PLXNA2: variants seen among roughly 807,000 people sequenced by gnomAD.
PLXNA2 encodes plexin-A2.
A neutral mutation model predicts 193.5 loss-of-function variants in PLXNA2; 91 were observed. The observed-to-expected ratio is 0.47, with a 90% CI of 0.40 to 0.56. PLXNA2 has a LOEUF of 0.56. Among genes scored for constraint, PLXNA2 ranks in the 20% least tolerant of loss-of-function variants. The pLI, the probability that PLXNA2 is intolerant of heterozygous loss-of-function variation, is 0.00. For synonymous variants in PLXNA2, 997 were observed against 1,027.3 expected (o/e 0.97, Z 0.56); for missense variants, 1,995 against 2,503.2 (o/e 0.80, Z 4.33).
intron 22 of PLXNA2, among the ~76,000 whole-genome samples, chr1:208,041,488 C>A (rs138823187): frequency 0.013 from 1,947 of 152,304 alleles, 29 homozygotes; most frequent in Middle Eastern, 0.051. Flanking sequence ...GCCTTCTAGG[C>A]TGTCCAAATC....
intron 4 of PLXNA2, among the ~76,000 whole-genome samples, chr1:208,113,964 C>T (rs1285774486): frequency 1.3e-5 from 2 of 152,168 alleles, no homozygotes; most frequent in Non-Finnish European, 2.9e-5. Context: ...GCTGGTCAGA[C>T]AGCTCGGGTA....
intron 2 of PLXNA2, among the ~76,000 whole-genome samples, chr1:208,215,672 G>A (rs1012658760): frequency 3.3e-5 from 5 of 151,806 alleles, no homozygotes; most frequent in Non-Finnish European, 4.4e-5. Context: ...CATGGAGGGA[G>A]AGAGCTAAGG....
chr1:208,168,445 A>G (rs1007228334), intron 3 of PLXNA2, among the ~76,000 whole-genome samples: 1 of 152,198 alleles, frequency 6.6e-6, no homozygotes, highest in Non-Finnish European at 1.5e-5. Context: ...AACACATAGG[A>G]GGTGCTCAGG....
chr1:208,053,058 A>C (rs1558166884), intron 14 of PLXNA2, among the ~76,000 whole-genome samples: 2 of 152,220 alleles, frequency 1.3e-5, no homozygotes, highest in Non-Finnish European at 2.9e-5. Context: ...AAGCTCACTA[A>C]GTAGTAAAAT....
intron 3 of PLXNA2, among the ~76,000 whole-genome samples, chr1:208,195,353 G>A (rs568618162): frequency 2.0e-5 from 3 of 151,962 alleles, no homozygotes; most frequent in African/African-American, 4.8e-5. Context: ...GTGGAGATCC[G>A]GGAGGGTGGC....
At chr1:208,104,519 C>T (rs1338218617) in intron 4 of PLXNA2, among the ~76,000 whole-genome samples, 2 of 151,994 alleles carry the variant, frequency 1.3e-5, no homozygotes, top group Non-Finnish European at 1.5e-5. Context: ...GGGAACTTAG[C>T]GAAGAGGTGA....
intron 3 of PLXNA2, among the ~76,000 whole-genome samples, chr1:208,143,465 T>C (rs1668515298): frequency 6.6e-6 from 1 of 152,216 alleles, no homozygotes; most frequent in Non-Finnish European, 1.5e-5. Flanking sequence ...TCTAGGCCCT[T>C]ATGTTCAATG....
At chr1:208,192,445 CT>C (rs374197573) in intron 3 of PLXNA2, among the ~76,000 whole-genome samples, 57 of 149,846 alleles carry the variant, frequency 3.8e-4, no homozygotes, top group African/African-American at 1.2e-3. Context: ...CCATTTGAAC[CT>C]TTTTTTTTAA....
Position 208,201,863 on chromosome 1 carries a change from T to C in PLXNA2, c.1371+8417A>G, listed in dbSNP as rs73079929. 5.1e-3 allele frequency among the ~76,000 whole-genome samples: 775 copies of C among 152,336 alleles called. 3 individuals carry two copies. Among genetic ancestry groups the C allele is most frequent in the African/African-American group, 0.016 (684 of 41,582 alleles). On this transcript the variant is annotated intron_variant, in intron 3 of 31. Transcript: ENST00000367033. The stretch of plus-strand genomic sequence containing the variant: ...ATCCCTTCCATGAATTATTTCTTTA[T>C]GATCTATTTTTTCCTTAGCACTTAT...
intron 26 of PLXNA2, among the ~76,000 whole-genome samples, chr1:208,036,437 C>T (rs1664672194): frequency 6.6e-6 from 1 of 152,216 alleles, no homozygotes; most frequent in African/African-American, 2.4e-5. Flanking sequence ...CTGGCTGGGT[C>T]TGACCTTGAC....
At chr1:208,127,316 C>G (rs1196283076) in intron 4 of PLXNA2, among the ~76,000 whole-genome samples, 1 of 152,194 alleles carries the variant, frequency 6.6e-6, no homozygotes, top group African/African-American at 2.4e-5. Flanking sequence ...TTACTCACAA[C>G]CAGTAAATAA....
Position 208,054,042 on chromosome 1 carries a change from C to T in PLXNA2, c.2856+379G>A, listed in dbSNP as rs770122989. Among the ~76,000 whole-genome samples the T allele has an allele frequency of 2.3e-4, 35 of 152,310 alleles. 1 individual carries two copies. Among genetic ancestry groups the T allele is most frequent in the Non-Finnish European group, 4.1e-4 (28 of 68,038 alleles). On this transcript the variant is annotated intron_variant, in intron 14 of 31. Coordinates refer to ENST00000367033, the MANE Select transcript of PLXNA2 (RefSeq NM_025179.4). ...AATATAGACTTATTTAATTAGGTCC[C>T]TCAGGCTATGCATCCTCATTAGGCT...
chr1:208,115,964 C>T (rs1198357355), intron 4 of PLXNA2, among the ~76,000 whole-genome samples: 1 of 152,150 alleles, frequency 6.6e-6, no homozygotes, highest in Non-Finnish European at 1.5e-5. Context: ...GTCCAAACAC[C>T]TCAGTGTGAC....
intron 10 of PLXNA2, among the ~76,000 whole-genome samples, chr1:208,083,335 C>T (rs1296563944): frequency 6.6e-6 from 1 of 152,170 alleles, no homozygotes; most frequent in African/African-American, 2.4e-5. Flanking sequence ...AGAAATAACA[C>T]CCCTGGGTGG....
chr1:208,195,505 T>G (rs1670327169), intron 3 of PLXNA2, among the ~76,000 whole-genome samples: 1 of 152,204 alleles, frequency 6.6e-6, no homozygotes, highest in Admixed American at 6.5e-5. Flanking sequence ...CTGCATTTAC[T>G]GCCAGTGGCT....
intron 3 of PLXNA2, among the ~76,000 whole-genome samples, chr1:208,208,695 C>T (rs1664232): frequency 0.39 from 58,960 of 152,024 alleles, 12,012 homozygotes; most frequent in Middle Eastern, 0.48. Context: ...TCTGCTGGCC[C>T]TTAGAGAGCC....
Position 208,103,171 on chromosome 1 carries a change from C to G in PLXNA2, c.1583G>C (p.Cys528Ser). Residue 528 changes from cysteine to serine, a missense_variant, in exon 5 of 32, where the codon TGT becomes TCT. Physicochemically the swap from Cys to Ser is moderately radical, Grantham distance 112 (BLOSUM62 -1). This residue lies in a region of PLXNA2 where 702 missense variants were observed against 812.9 expected (regional missense o/e 0.86). Coordinates refer to ENST00000367033, the MANE Select transcript of PLXNA2 (RefSeq NM_025179.4). ...CATGTTGTGCAGGGCACACCAGCCA[C>G]AGTGAGGGTCCCCAGAGCTCAGGCA... ...GECLSSGDPH[C>S]GWCALHNMCS... The G allele has an allele frequency of 6.2e-7, 1 of 1,614,078 alleles. No homozygotes were observed. Among genetic ancestry groups the G allele is most frequent in the Non-Finnish European group, 8.5e-7 (1 of 1,179,936 alleles).
intron 3 of PLXNA2, among the ~76,000 whole-genome samples, chr1:208,169,601 C>G (rs1357944808): frequency 1.3e-5 from 2 of 152,150 alleles, no homozygotes; most frequent in Non-Finnish European, 2.9e-5. Flanking sequence ...AATCAGAAGA[C>G]TTGGATGGGA....
intron 13 of PLXNA2, among the ~76,000 whole-genome samples, chr1:208,057,203 G>C (rs958505504): frequency 6.6e-6 from 1 of 152,182 alleles, no homozygotes; most frequent in Non-Finnish European, 1.5e-5. Flanking sequence ...CTCAGGCTCT[G>C]CTACAGAGCG....
Sources: allele counts gnomAD v4.1 joint callset (sites outside exome capture counted in the v4.1 genomes callset), GRCh38; gene constraint gnomAD v4.1.1; regional missense constraint gnomAD v4.1.1; transcripts MANE v1.5; gene names NCBI Gene and HGNC (gene_info 2026-07-23, HGNC 2026-07-21).